OSTC: variants seen among roughly 807,000 people sequenced by gnomAD.
OSTC encodes the protein oligosaccharyltransferase complex subunit OSTC.
Under a neutral mutation model 16.4 loss-of-function variants are expected in OSTC, and 16 were observed. The ratio of observed to expected loss-of-function variants is 0.98; its 90% confidence interval spans 0.66 to 1.49. The LOEUF (loss-of-function observed/expected upper bound fraction) is 1.49. Ranked by LOEUF, OSTC falls within the 40% of genes most tolerant of loss-of-function variation. OSTC has a pLI of 0.00. For missense variants in OSTC, 139 were observed against 186.3 expected, an observed-to-expected ratio of 0.75 and a Z score of 1.48; for synonymous variants, 67 against 68.5, an observed-to-expected ratio of 0.98 and a Z score of 0.11.
intron 1 of OSTC, among the ~76,000 whole-genome samples, chr4:108,651,799 T>C (rs972715455): frequency 6.6e-6 from 1 of 152,210 alleles, no homozygotes; most frequent in African/African-American, 2.4e-5. Context: ...CATATAATTG[T>C]TATTTTCATA....
chr4:108,654,687 A>T (rs1230654784), intron 1 of OSTC, among the ~76,000 whole-genome samples: 1 of 152,142 alleles, frequency 6.6e-6, no homozygotes, highest in Non-Finnish European at 1.5e-5. Flanking sequence ...AACAGTGGAG[A>T]AGGTAGAGTA....
At chr4:108,658,267 G>A (rs903970268) in intron 3 of OSTC, among the ~76,000 whole-genome samples, 1 of 151,990 alleles carries the variant, frequency 6.6e-6, no homozygotes, top group Non-Finnish European at 1.5e-5. Context: ...TGGCTAATCT[G>A]TAACACAGAA....
rs1479051864 is a variant in OSTC, at chr4:108,650,601, G to A, written c.-55G>A. 1.9e-6 allele frequency: 3 copies of A among 1,604,038 alleles called. No homozygotes were observed. In the African/African-American group the frequency reaches 4.0e-5, roughly 21 times the overall value. ...CGCACTTGTTAGGGAGGGCGGGCCTGTTTCCGGGAGGCGCGTGGGGCTTGA... is the reference window on the plus strand; with the variant it reads ...CGCACTTGTTAGGGAGGGCGGGCCTATTTCCGGGAGGCGCGTGGGGCTTGA... On this transcript the variant is annotated 5_prime_UTR_variant, in exon 1 of 4. Coordinates refer to ENST00000361564, the MANE Select transcript of OSTC (RefSeq NM_021227.4).
chr4:108,651,683 T>C (rs1356052085), intron 1 of OSTC, among the ~76,000 whole-genome samples: 1 of 151,896 alleles, frequency 6.6e-6, no homozygotes, highest in African/African-American at 2.4e-5. Flanking sequence ...TTGGAAATTA[T>C]AAAATTAATT....
chr4:108,654,940 C>T (rs552318772), intron 1 of OSTC, among the ~76,000 whole-genome samples: 2 of 152,178 alleles, frequency 1.3e-5, no homozygotes, highest in East Asian at 1.9e-4. Context: ...TTTTGTGAAC[C>T]GAAGTAGAGC....
chr4:108,653,106 G>A (rs910749486), intron 1 of OSTC, among the ~76,000 whole-genome samples: 3 of 152,090 alleles, frequency 2.0e-5, no homozygotes, highest in Non-Finnish European at 4.4e-5. Context: ...CAAGTAGCTG[G>A]GACTATGGTG....
Position 108,655,482 on chromosome 4 carries a change from A to G in OSTC, c.140-82A>G, listed in dbSNP as rs547879444. ...ACTCTGTCTCAAAAAAAGTAAATGA[A>G]CCTTAAGAGACAATGAAAACTATAA... On this transcript the variant is annotated intron_variant, in intron 1 of 3. Transcript: ENST00000361564. The G allele has an allele frequency of 7.2e-5, 66 of 911,726 alleles. No homozygotes were observed. In the Middle Eastern group the frequency reaches 1.4e-3, roughly 19 times the overall value. 56.5% of individuals were successfully genotyped at this position (911,726 alleles called of 1,614,324 possible).
At chr4:108,665,593 CTGTT>C (rs1726976798) in intron 3 of OSTC, among the ~76,000 whole-genome samples, 1 of 145,360 alleles carries the variant, frequency 6.9e-6, no homozygotes, top group Admixed American at 7.0e-5. Flanking sequence ...GAGTTTCACT[CTGTT>C]TGCCCAGGCT....
chr4:108,651,411 C>T (rs1260844467), intron 1 of OSTC: 1 of 152,402 alleles, frequency 6.6e-6, no homozygotes, highest in African/African-American at 2.4e-5. Flanking sequence ...GATTTGCAGA[C>T]GATACTGTAT....
chr4:108,665,650 C>T (rs1726978149), intron 3 of OSTC, among the ~76,000 whole-genome samples: 1 of 151,564 alleles, frequency 6.6e-6, no homozygotes, highest in African/African-American at 2.4e-5. Flanking sequence ...ACCTCCACCT[C>T]CTGGGTTCAA....
intron 3 of OSTC, among the ~76,000 whole-genome samples, chr4:108,665,898 AT>A (rs201114275): frequency 7.4e-5 from 11 of 149,460 alleles, no homozygotes; most frequent in African/African-American, 2.0e-4. Context: ...TAATTTTTCC[AT>A]TTTTTTTTCC....
At chr4:108,654,727 A>G (rs575777044) in intron 1 of OSTC, among the ~76,000 whole-genome samples, 19 of 152,372 alleles carry the variant, frequency 1.2e-4, no homozygotes, top group African/African-American at 4.1e-4. Context: ...TGAGAAAACT[A>G]TTAGTGCTGA....
intron 3 of OSTC, among the ~76,000 whole-genome samples, chr4:108,661,623 A>C (rs1726859668): frequency 6.6e-6 from 1 of 152,080 alleles, no homozygotes; most frequent in African/African-American, 2.4e-5. Flanking sequence ...TTTTTGAGAC[A>C]GTCTTGCTTT....
chr4:108,657,917 CTTTTTTTTT>C (rs70949037), intron 3 of OSTC, among the ~76,000 whole-genome samples: 2 of 67,200 alleles, frequency 3.0e-5, no homozygotes, highest in African/African-American at 6.1e-5. Flanking sequence ...GTCATTGTTT[CTTTTTTTTT>C]TTTTTTTTTT....
intron 3 of OSTC, among the ~76,000 whole-genome samples, chr4:108,666,618 G>A (rs1727008781): frequency 1.3e-5 from 2 of 151,160 alleles, no homozygotes; most frequent in African/African-American, 4.9e-5. Flanking sequence ...GGCTGAGGCA[G>A]GAGAATCGCT....
At chr4:108,659,548 CACAAGGTCAGGAGA>C (rs1726800426) in intron 3 of OSTC, among the ~76,000 whole-genome samples, 1 of 152,060 alleles carries the variant, frequency 6.6e-6, no homozygotes, top group South Asian at 2.1e-4. Flanking sequence ...GCGGGCGGAT[CACAAGGTCAGGAGA>C]TCAAAACCAT....
At chr4:108,654,132 C>T (rs1726633919) in intron 1 of OSTC, among the ~76,000 whole-genome samples, 7 of 152,110 alleles carry the variant, frequency 4.6e-5, no homozygotes, top group Admixed American at 4.6e-4. Flanking sequence ...CTGAGAAGTC[C>T]CCTAAGATGA....
chr4:108,660,612 A>T (rs1280667817), intron 3 of OSTC, among the ~76,000 whole-genome samples: 1 of 152,216 alleles, frequency 6.6e-6, no homozygotes, highest in East Asian at 1.9e-4. Context: ...ACAATAAAAA[A>T]GATGTCAAAA....
rs777273597 is a variant in OSTC, at chr4:108,655,641, G to A, written c.217G>A (p.Ala73Thr). Residue 73 changes from alanine (A) to threonine (T), a missense_variant, in exon 2 of 4, where the codon GCT (alanine) becomes ACT (threonine). Transcript: ENST00000361564. ...TDEHGHQRPV[A>T]FLAYRVNGQY... is the part of the protein sequence containing the mutation. ...TGAACATGGGCATCAGAGGCCAGTA[G>A]CTTTCTTGGCCTACAGGTAAAAGAT... The A allele has an allele frequency of 3.1e-6, 5 of 1,605,234 alleles. No homozygotes were observed. Among genetic ancestry groups the A allele is most frequent in the East Asian group, 2.2e-5 (1 of 44,800 alleles).
Sources: gnomAD v4.1 joint callset for allele counts (sites outside exome capture counted in the v4.1 genomes callset) on GRCh38, gnomAD v4.1.1 for gene constraint, MANE v1.5 for transcripts, NCBI Gene and HGNC (gene_info 2026-07-23, HGNC 2026-07-21) for gene names.